The following NRG3 variants were observed in gnomAD, a reference collection of about 807,000 sequenced individuals.
NRG3 encodes the protein neuregulin 3, also known as pro-neuregulin-3, membrane-bound isoform.
NRG3 carries 31 observed loss-of-function variants against 66.9 expected under a neutral mutation model. That is an observed-to-expected ratio of 0.46 (90% CI 0.35 to 0.63). NRG3 has a LOEUF of 0.63. Among genes scored for constraint, NRG3 ranks in the 20% least tolerant of loss-of-function variants. NRG3 has a pLI of 0.00. For synonymous variants in NRG3, 393 were observed against 359.4 expected, an observed-to-expected ratio of 1.09 and a Z score of -1.06; for missense variants, 910 against 878.9, an observed-to-expected ratio of 1.04 and a Z score of -0.45.
intron 2 of NRG3, among the ~76,000 whole-genome samples, chr10:82,410,279 A>G (rs576773074): frequency 6.6e-6 from 1 of 152,128 alleles, no homozygotes; most frequent in South Asian, 2.1e-4. Flanking sequence ...TATCTTATGT[A>G]TTATTATATT....
intron 4 of NRG3, among the ~76,000 whole-genome samples, chr10:82,881,157 A>G (rs1015389121): frequency 1.3e-5 from 2 of 152,216 alleles, no homozygotes; most frequent in Admixed American, 6.5e-5. Context: ...CACAACCTGC[A>G]AGCTCATTGG....
intron 3 of NRG3, among the ~76,000 whole-genome samples, chr10:82,770,498 G>T (rs542135272): frequency 6.6e-6 from 1 of 152,098 alleles, no homozygotes; most frequent in Non-Finnish European, 1.5e-5. Flanking sequence ...ATCCTAGTTT[G>T]TACCAGAATA....
intron 2 of NRG3, among the ~76,000 whole-genome samples, chr10:82,447,759 T>C (rs922542073): frequency 1.1e-4 from 16 of 152,242 alleles, no homozygotes; most frequent in African/African-American, 3.9e-4. Flanking sequence ...AGAAACTGTA[T>C]GTCGGAAGAG....
At chr10:82,758,650 AC>A (rs1352045251) in intron 3 of NRG3, among the ~76,000 whole-genome samples, 1 of 151,896 alleles carries the variant, frequency 6.6e-6, no homozygotes, top group Non-Finnish European at 1.5e-5. Flanking sequence ...TCACCATCTC[AC>A]CAGTGAAGGT....
Position 82,053,303 on chromosome 10 carries a change from C to T in NRG3, c.823+177140C>T, listed in dbSNP as rs555669990. ...GTCCAAATCAAGTGTTTATTAAAGG[C>T]AGAAGGATGAGGGTTGGATTGTGGG... is the stretch of plus-strand genomic sequence containing the variant. On this transcript the variant is annotated intron_variant, in intron 1 of 8. Coordinates refer to ENST00000372141, the MANE Select transcript of NRG3 (RefSeq NM_001010848.4). Among the ~76,000 whole-genome samples the T allele has an allele frequency of 2.6e-5, 4 of 152,088 alleles. 1 individual carries two copies. Among genetic ancestry groups the T allele is most frequent in the African/African-American group, 4.8e-5 (2 of 41,482 alleles).
At chr10:82,160,900 ACTAGAATAAAATTAT>A (rs2071543921) in intron 1 of NRG3, among the ~76,000 whole-genome samples, 1 of 152,020 alleles carries the variant, frequency 6.6e-6, no homozygotes, top group Non-Finnish European at 1.5e-5. Context: ...GGAAATATAA[ACTAGAATAAAATTAT>A]ATTGGAAAAA....
At chr10:82,981,590 G>A (rs944584921) in intron 8 of NRG3, among the ~76,000 whole-genome samples, 2 of 152,212 alleles carry the variant, frequency 1.3e-5, no homozygotes, top group Non-Finnish European at 2.9e-5. Context: ...TACCAAGCAA[G>A]TGGGCGCTGT....
rs745552221 is a variant in NRG3 at position 81,913,957 on chromosome 10, T to A, written c.823+37794T>A. Among the ~76,000 whole-genome samples, 59 of 152,204 alleles carry A rather than the reference T, an allele frequency of 3.9e-4. 1 individual carries two copies. The highest frequency in any genetic ancestry group is 1.5e-4 in the Non-Finnish European group (10 of 68,040). ...AAATTGTATGATTCCATTAAAAACA[T>A]GGCATACATCCAGAGCTCTTGTGGC... On this transcript the variant is annotated intron_variant, in intron 1 of 8. Transcript: ENST00000372141.
chr10:82,798,683 C>A (rs2060902468), intron 3 of NRG3, among the ~76,000 whole-genome samples: 1 of 152,186 alleles, frequency 6.6e-6, no homozygotes. Context: ...AGACAAATCC[C>A]AGATTCCTTA....
At chr10:82,377,434 G>A (rs891472569) in intron 2 of NRG3, among the ~76,000 whole-genome samples, 18 of 113,858 alleles carry the variant, frequency 1.6e-4, no homozygotes, top group African/African-American at 4.1e-4. Context: ...GTGTGTGTGC[G>A]CGTGTGTGTG....
In NRG3 at chr10:82,886,605, C is replaced by T. The variant is rs889736116; in HGVS notation, c.1054+21168C>T. Among the ~76,000 whole-genome samples the T allele has an allele frequency of 1.4e-4, 22 of 152,284 alleles. 1 individual carries two copies. Among genetic ancestry groups the T allele is most frequent in the Admixed American group, 1.1e-3 (17 of 15,302 alleles). On this transcript the variant is annotated intron_variant, in intron 4 of 8. Coordinates refer to ENST00000372141, the MANE Select transcript of NRG3 (RefSeq NM_001010848.4). ...TGCTATCGATTTGTTTAGAATATTT[C>T]CATGAATAGTTTATAGGATCCTAGC...
At chr10:81,883,490 A>C (rs1272626728) in intron 1 of NRG3, among the ~76,000 whole-genome samples, 1 of 152,190 alleles carries the variant, frequency 6.6e-6, no homozygotes, top group Non-Finnish European at 1.5e-5. Flanking sequence ...GAAGTTTAGC[A>C]GCTTCCAGTG....
chr10:82,118,649 G>A (rs543046434), intron 1 of NRG3, among the ~76,000 whole-genome samples: 12 of 152,026 alleles, frequency 7.9e-5, no homozygotes, highest in South Asian at 2.1e-4. Context: ...TGAAATTTTC[G>A]CTACCTTGCT....
At chr10:82,880,517 G>A (rs1290333594) in intron 4 of NRG3, among the ~76,000 whole-genome samples, 15 of 152,140 alleles carry the variant, frequency 9.9e-5, no homozygotes, top group Admixed American at 9.8e-4. Context: ...TAATAATCCA[G>A]ATCAAAATGT....
At chr10:82,351,971 T>C (rs2083462569) in intron 1 of NRG3, among the ~76,000 whole-genome samples, 1 of 152,236 alleles carries the variant, frequency 6.6e-6, no homozygotes, top group Non-Finnish European at 1.5e-5. Context: ...ATCCTTAATG[T>C]ACTCCTGCTT....
At chr10:82,439,828 C>T (rs2090339651) in intron 2 of NRG3, among the ~76,000 whole-genome samples, 1 of 151,744 alleles carries the variant, frequency 6.6e-6, no homozygotes, top group Non-Finnish European at 1.5e-5. Context: ...AATTTTATAT[C>T]CATGTATAAA....
intron 1 of NRG3, among the ~76,000 whole-genome samples, chr10:82,012,773 T>C (rs1200567088): frequency 6.6e-6 from 1 of 152,200 alleles, no homozygotes; most frequent in Non-Finnish European, 1.5e-5. Context: ...AGTCTGTTTG[T>C]TAAAGCATAA....
intron 2 of NRG3, among the ~76,000 whole-genome samples, chr10:82,671,959 C>A (rs1442026629): frequency 1.3e-5 from 2 of 152,192 alleles, no homozygotes; most frequent in African/African-American, 4.8e-5. Context: ...ATCTCCCTAT[C>A]CATCCTATAT....
intron 2 of NRG3, among the ~76,000 whole-genome samples, chr10:82,634,392 CAGAA>C (rs549431619): frequency 1.6e-3 from 250 of 152,202 alleles, no homozygotes; most frequent in African/African-American, 4.6e-3. Context: ...ATTACACACA[CAGAA>C]AGAAATCACT....
Sources: gnomAD v4.1 joint callset for allele counts (sites outside exome capture counted in the v4.1 genomes callset) on GRCh38, gnomAD v4.1.1 for gene constraint, MANE v1.5 for transcripts, NCBI Gene and HGNC (gene_info 2026-07-23, HGNC 2026-07-21) for gene names.